The following CDH13 variants were observed in gnomAD, a reference collection of about 807,000 sequenced individuals.
CDH13 encodes the protein cadherin-13.
Under a neutral mutation model 63.8 loss-of-function variants are expected in CDH13, and 24 were observed. The ratio of observed to expected loss-of-function variants is 0.38; its 90% CI spans 0.27 to 0.53. CDH13 has a LOEUF of 0.53. Among genes scored for constraint, CDH13 ranks in the 20% least tolerant of loss-of-function variants. The pLI, the probability that CDH13 is intolerant of heterozygous loss-of-function variation, is 0.85. For missense variants in CDH13, 1,049 were observed against 903.1 expected, an observed-to-expected ratio of 1.16 and a Z score of -2.07; for synonymous variants, 503 against 355.3, an observed-to-expected ratio of 1.42 and a Z score of -4.67.
At chr16:83,086,131 C>T (rs554239737) in intron 3 of CDH13, among the ~76,000 whole-genome samples, 6 of 152,238 alleles carry the variant, frequency 3.9e-5, no homozygotes, top group African/African-American at 1.4e-4. Context: ...TAATGAAATA[C>T]CAAACTCAGA....
intron 1 of CDH13, among the ~76,000 whole-genome samples, chr16:82,635,079 T>G (rs1037467485): frequency 6.6e-6 from 1 of 152,198 alleles, no homozygotes; most frequent in South Asian, 2.1e-4. Flanking sequence ...GTCATGCCGT[T>G]CTAAATATTT....
intron 4 of CDH13, among the ~76,000 whole-genome samples, chr16:83,191,207 C>A (rs564943693): frequency 7.0e-6 from 1 of 142,942 alleles, no homozygotes; most frequent in African/African-American, 2.6e-5. Context: ...AAGGGTCATA[C>A]GAGATAATAC....
intron 4 of CDH13, among the ~76,000 whole-genome samples, chr16:83,167,710 T>A (rs949337578): frequency 1.3e-5 from 2 of 151,818 alleles, no homozygotes; most frequent in African/African-American, 4.8e-5. Flanking sequence ...TTAATTATCC[T>A]ATTTTTAAAA....
intron 7 of CDH13, among the ~76,000 whole-genome samples, chr16:83,584,899 A>C (rs1411074232): frequency 6.9e-6 from 1 of 144,090 alleles, no homozygotes; most frequent in Admixed American, 7.6e-5. Context: ...AAACAGAAGC[A>C]AGAGATAGGG....
chr16:82,703,265 G>T (rs1465434859), intron 1 of CDH13, among the ~76,000 whole-genome samples: 1 of 151,840 alleles, frequency 6.6e-6, no homozygotes, highest in Non-Finnish European at 1.5e-5. Flanking sequence ...ACTCAGGGCT[G>T]CCCCACAGCC....
At chr16:83,484,582 C>G (rs559088812) in intron 6 of CDH13, among the ~76,000 whole-genome samples, 1 of 152,210 alleles carries the variant, frequency 6.6e-6, no homozygotes, top group Admixed American at 6.5e-5. Context: ...CAAAGCAATA[C>G]ATTCACCTTG....
intron 2 of CDH13, among the ~76,000 whole-genome samples, chr16:82,994,036 A>G (rs964459232): frequency 6.6e-6 from 1 of 152,074 alleles, no homozygotes; most frequent in Non-Finnish European, 1.5e-5. Context: ...GAGCCAGCCC[A>G]TTCCCTCTGG....
intron 6 of CDH13, among the ~76,000 whole-genome samples, chr16:83,368,753 G>A (rs1437826099): frequency 6.6e-6 from 1 of 151,254 alleles, no homozygotes; most frequent in Non-Finnish European, 1.5e-5. Flanking sequence ...CTACAGGTGA[G>A]TGAGAATATA....
At chr16:82,767,580 C>T (rs1275601649) in intron 1 of CDH13, among the ~76,000 whole-genome samples, 1 of 152,314 alleles carries the variant, frequency 6.6e-6, no homozygotes, top group East Asian at 1.9e-4. Flanking sequence ...CTCCTGGTCC[C>T]TGCCCCCTTT....
intron 2 of CDH13, among the ~76,000 whole-genome samples, chr16:82,969,606 G>GA: frequency 6.6e-6 from 1 of 151,108 alleles, no homozygotes; most frequent in Middle Eastern, 3.4e-3. Flanking sequence ...CTTTTGTTGT[G>GA]AGGGAGTACA....
chr16:82,665,379 C>T (rs554191479), intron 1 of CDH13, among the ~76,000 whole-genome samples: 7 of 152,124 alleles, frequency 4.6e-5, no homozygotes, highest in South Asian at 2.1e-4. Context: ...ATCTTTAAAC[C>T]GAGGCGCACG....
At chr16:82,726,860 C>T (rs2033125335) in intron 1 of CDH13, among the ~76,000 whole-genome samples, 4 of 152,280 alleles carry the variant, frequency 2.6e-5, no homozygotes, top group African/African-American at 9.6e-5. Flanking sequence ...GTATTATCCC[C>T]ATTTCCCAGA....
At chr16:83,141,020 A>C (rs1280070436) in intron 4 of CDH13, among the ~76,000 whole-genome samples, 1 of 152,224 alleles carries the variant, frequency 6.6e-6, no homozygotes, top group African/African-American at 2.4e-5. Context: ...AATGAACCAG[A>C]GTCACTGAAG....
chr16:83,176,212 G>A lies in CDH13; in HGVS notation c.484-41133G>A, dbSNP rs117656610. Among the ~76,000 whole-genome samples, 844 of 150,166 alleles carry A rather than the reference G, an allele frequency of 5.6e-3. 5 individuals carry two copies. Among genetic ancestry groups the A allele is most frequent in the Non-Finnish European group, 9.3e-3 (631 of 67,662 alleles). On this transcript the variant is annotated intron_variant, in intron 4 of 13. Coordinates refer to ENST00000567109, the MANE Select transcript of CDH13 (RefSeq NM_001257.5). ...TCCAAGCCAAAATGACTTGTAAAAC[G>A]TTGTACTTAAAGATTGTGGCTACGC...
chr16:83,766,817 G>T (rs142624657), intron 11 of CDH13, among the ~76,000 whole-genome samples: 1 of 152,100 alleles, frequency 6.6e-6, no homozygotes. Flanking sequence ...CATGGGGGCA[G>T]TTTCCTTCAT....
chr16:83,308,830 T>C (rs919309778), intron 5 of CDH13, among the ~76,000 whole-genome samples: 11 of 152,170 alleles, frequency 7.2e-5, no homozygotes, highest in African/African-American at 2.7e-4. Flanking sequence ...TTTGCAGAAG[T>C]TGAAGTTGAA....
chr16:82,802,623 C>A (rs563287763), intron 1 of CDH13, among the ~76,000 whole-genome samples: 1 of 152,148 alleles, frequency 6.6e-6, no homozygotes, highest in East Asian at 1.9e-4. Flanking sequence ...TGCCCTTTTC[C>A]TATTCTTTGT....
At chr16:83,002,784 C>T (rs151293285) in intron 2 of CDH13, among the ~76,000 whole-genome samples, 57 of 152,204 alleles carry the variant, frequency 3.7e-4, no homozygotes, top group African/African-American at 1.3e-3. Context: ...GGAGGAAAAG[C>T]TGTCTAGACA....
intron 3 of CDH13, among the ~76,000 whole-genome samples, chr16:83,052,672 C>T (rs559631564): frequency 1.7e-4 from 25 of 148,758 alleles, no homozygotes; most frequent in Non-Finnish European, 3.4e-4. Flanking sequence ...CCCAGCTACT[C>T]GGGAGGCTGA....
Sources: allele counts gnomAD v4.1 joint callset (sites outside exome capture counted in the v4.1 genomes callset), GRCh38; gene constraint gnomAD v4.1.1; transcripts MANE v1.5; gene names NCBI Gene and HGNC (gene_info 2026-07-23, HGNC 2026-07-21).